ZDHHC14: variants seen among roughly 807,000 people sequenced by gnomAD.
ZDHHC14 encodes the protein zDHHC palmitoyltransferase 14, also known as palmitoyltransferase ZDHHC14.
ZDHHC14 carries 16 observed loss-of-function variants against 47.7 expected under a neutral mutation model. The observed-to-expected ratio is 0.34, with a 90% CI of 0.23 to 0.51. ZDHHC14 has a LOEUF of 0.51. ZDHHC14 is among the 20% of genes least tolerant of loss of function. The pLI is 0.97. For missense variants in ZDHHC14, 515 were observed against 662.5 expected (o/e 0.78, Z 2.44); for synonymous variants, 293 against 278.9 (o/e 1.05, Z -0.50).
At chr6:157,482,720 C>T (rs1266436950) in intron 1 of ZDHHC14, among the ~76,000 whole-genome samples, 6 of 151,592 alleles carry the variant, frequency 4.0e-5, no homozygotes, top group Admixed American at 2.0e-4. Flanking sequence ...TGGATGACAC[C>T]GAATGGTTTT....
At chr6:157,461,492 G>T (rs888407694) in intron 1 of ZDHHC14, among the ~76,000 whole-genome samples, 1 of 152,140 alleles carries the variant, frequency 6.6e-6, no homozygotes, top group African/African-American at 2.4e-5. Flanking sequence ...AGTCCGTTAC[G>T]GCCCAGCCCC....
At chr6:157,431,674 A>C (rs1778341013) in intron 1 of ZDHHC14, among the ~76,000 whole-genome samples, 1 of 151,974 alleles carries the variant, frequency 6.6e-6, no homozygotes, top group South Asian at 2.1e-4. Context: ...GCCACAATAA[A>C]CCAAAGAAGT....
intron 2 of ZDHHC14, chr6:157,592,787 C>T: frequency 7.2e-7 from 1 of 1,396,628 alleles, no homozygotes; most frequent in South Asian, 1.8e-5. Flanking sequence ...GTCACGTGGC[C>T]CCTGCACGTG....
chr6:157,381,998 GC>G lies in ZDHHC14; in HGVS notation c.-19del. 1 of 1,337,304 alleles carries G rather than the reference GC, an allele frequency of 7.5e-7. No individual in the cohort carries two copies. The highest frequency in any genetic ancestry group is 9.6e-7 in the Non-Finnish European group (1 of 1,039,800). The allele number at this position is 1,337,304 out of a possible 1,614,324, so 82.8% of individuals were successfully genotyped here. A position where few individuals can be genotyped will look rare whatever the true frequency, so the allele number is the denominator to read the frequency against. ...GGCCGGGGGGCTCCTGGGGGTGTGC[GC>G]CCCCAGCCGGCTGCCCTCGTGGATG... is the stretch of plus-strand genomic sequence containing the variant. On this transcript the variant is annotated 5_prime_UTR_variant, in exon 1 of 9. Coordinates refer to ENST00000359775, the MANE Select transcript of ZDHHC14 (RefSeq NM_024630.3).
At chr6:157,548,348 G>A (rs1782071125) in intron 2 of ZDHHC14, among the ~76,000 whole-genome samples, 1 of 152,158 alleles carries the variant, frequency 6.6e-6, no homozygotes, top group Non-Finnish European at 1.5e-5. Flanking sequence ...AGAATGGATT[G>A]CACCTGCCGG....
At position 157,401,509 on chromosome 6, in the gene ZDHHC14, A is replaced by G. The variant is rs149442561; in HGVS notation, c.245+19243A>G. On this transcript the variant is annotated intron_variant, in intron 1 of 8. Transcript: ENST00000359775. ...GCTGAGGTCACCCTGCAGTAGTGAG[A>G]TGCGCTCCTGCTGAGGTCTCAGCTG... Among the ~76,000 whole-genome samples, 9 of 148,508 alleles carry G rather than the reference A, an allele frequency of 6.1e-5. No individual in the cohort carries two copies. The East Asian group carries it at 1.8e-3, about 29-fold the overall frequency.
intron 2 of ZDHHC14, among the ~76,000 whole-genome samples, chr6:157,549,408 T>A (rs1347581894): frequency 6.6e-6 from 1 of 152,208 alleles, no homozygotes; most frequent in Non-Finnish European, 1.5e-5. Context: ...CGCTCACTGA[T>A]GTCTAGATGT....
rs565769041 is a variant in ZDHHC14, at chr6:157,575,274, T to C, written c.407-17714T>C. ...ACATCAAAGTCTGCTGATTTAAATG[T>C]TAATCTCATCTAAAAAATATCTTCA... On this transcript the variant is annotated intron_variant, in intron 2 of 8. Coordinates refer to ENST00000359775, the MANE Select transcript of ZDHHC14 (RefSeq NM_024630.3). 5.4e-4 allele frequency among the ~76,000 whole-genome samples: 82 copies of C among 152,342 alleles called. 1 individual carries two copies. In the South Asian group the frequency reaches 0.014, roughly 27 times the overall value.
chr6:157,391,442 T>C (rs758100480), intron 1 of ZDHHC14, among the ~76,000 whole-genome samples: 3 of 152,198 alleles, frequency 2.0e-5, no homozygotes, highest in Non-Finnish European at 4.4e-5. Flanking sequence ...TGAAGCTAAG[T>C]CCTGTAGGCT....
At chr6:157,531,308 C>A (rs770208608) in intron 1 of ZDHHC14, among the ~76,000 whole-genome samples, 1 of 151,940 alleles carries the variant, frequency 6.6e-6, no homozygotes, top group African/African-American at 2.4e-5. Context: ...CCGGACATGC[C>A]GTTCCAGAGT....
intron 6 of ZDHHC14, among the ~76,000 whole-genome samples, chr6:157,646,991 C>A (rs1207730655): frequency 6.6e-6 from 1 of 152,192 alleles, no homozygotes; most frequent in Admixed American, 6.5e-5. Context: ...AAAATCTCTG[C>A]TGGCTTATAT....
chr6:157,435,900 A>G (rs987565197), intron 1 of ZDHHC14, among the ~76,000 whole-genome samples: 10 of 152,166 alleles, frequency 6.6e-5, no homozygotes, highest in African/African-American at 9.6e-5. Context: ...AGCCTGGCAC[A>G]TAGCAGGCAA....
chr6:157,635,947 C>T lies in ZDHHC14; in HGVS notation c.752+3065C>T, dbSNP rs1055846970. Among the ~76,000 whole-genome samples the T allele has an allele frequency of 4.6e-5, 7 of 152,156 alleles. No individual in the cohort carries two copies. In the East Asian group the frequency reaches 9.6e-4, roughly 21 times the overall value. On this transcript the variant is annotated intron_variant, in intron 5 of 8. Coordinates refer to ENST00000359775, the MANE Select transcript of ZDHHC14 (RefSeq NM_024630.3). ...ATAGAAGTCTCAGCCGCTGCCTTTC[C>T]AAATAGTGTTTCCTCATCTGGGTGC...
intron 3 of ZDHHC14, among the ~76,000 whole-genome samples, chr6:157,626,492 T>C (rs1785424172): frequency 6.6e-6 from 1 of 152,190 alleles, no homozygotes; most frequent in African/African-American, 2.4e-5. Flanking sequence ...GTTTGTTCGT[T>C]GTCAATATTT....
At chr6:157,560,607 C>G (rs989750208) in intron 2 of ZDHHC14, among the ~76,000 whole-genome samples, 2 of 151,716 alleles carry the variant, frequency 1.3e-5, no homozygotes, top group African/African-American at 4.8e-5. Context: ...TTTCTCTGTA[C>G]GTTTCTGATA....
At chr6:157,507,127 C>T (rs1259880411) in intron 1 of ZDHHC14, among the ~76,000 whole-genome samples, 1 of 152,040 alleles carries the variant, frequency 6.6e-6, no homozygotes, top group Non-Finnish European at 1.5e-5. Flanking sequence ...GCTTTCCCTT[C>T]CTCTTTCTCC....
At position 157,516,714 on chromosome 6, in the gene ZDHHC14, C is replaced by T. The variant is rs113233646; in HGVS notation, c.246-25871C>T. Among the ~76,000 whole-genome samples the T allele has an allele frequency of 4.9e-3, 739 of 152,234 alleles. 3 individuals carry two copies. The highest frequency in any genetic ancestry group is 0.017 in the African/African-American group (693 of 41,534). On this transcript the variant is annotated intron_variant, in intron 1 of 8. Coordinates refer to ENST00000359775, the MANE Select transcript of ZDHHC14 (RefSeq NM_024630.3). ...CCAAGGAGAAAGAAGGTCAAGTCTG[C>T]GCTGCAATAAAGCAAGAGACTTGAA...
chr6:157,546,496 G>A (rs534500963), intron 2 of ZDHHC14, among the ~76,000 whole-genome samples: 1 of 152,274 alleles, frequency 6.6e-6, no homozygotes, highest in Admixed American at 6.5e-5. Flanking sequence ...GGGAGGAGGA[G>A]GGCTCTGGGC....
chr6:157,637,402 C>G (rs1298567332), intron 5 of ZDHHC14, among the ~76,000 whole-genome samples: 2 of 152,196 alleles, frequency 1.3e-5, no homozygotes, highest in Non-Finnish European at 2.9e-5. Flanking sequence ...AAATGCTAAA[C>G]TCAAGACCTC....
Sources: allele counts gnomAD v4.1 joint callset (sites outside exome capture counted in the v4.1 genomes callset), GRCh38; gene constraint gnomAD v4.1.1; transcripts MANE v1.5; gene names NCBI Gene and HGNC (gene_info 2026-07-23, HGNC 2026-07-21).